Variants in IAH1 observed in about 807,000 individuals in gnomAD.
The protein encoded by IAH1 is isoamyl acetate hydrolyzing esterase 1 (putative).
A neutral mutation model predicts 26.7 loss-of-function variants in IAH1; 24 were observed. That is an observed-to-expected ratio of 0.90 (90% CI 0.65 to 1.26). IAH1 has a LOEUF of 1.26. Ranked by LOEUF, IAH1 falls within the 50% of genes most tolerant of loss-of-function variation. IAH1 has a pLI of 0.00. For synonymous variants in IAH1, 140 were observed against 118.5 expected (o/e 1.18, Z -1.18); for missense variants, 300 against 299.9 (o/e 1.00, Z 0.00).
the IAH1 span, among the ~76,000 whole-genome samples, chr2:9,511,733 G>A: frequency 1.2e-4 from 18 of 152,260 alleles, no homozygotes; most frequent in East Asian, 7.7e-4. Flanking sequence ...CACTTTGGGA[G>A]GCCAAGGCAG....
At chr2:9,510,663 CAAAA>C in the IAH1 span, among the ~76,000 whole-genome samples, 3 of 84,798 alleles carry the variant, frequency 3.5e-5, no homozygotes, top group Admixed American at 1.4e-4. Flanking sequence ...GACTTCGTCT[CAAAA>C]AAAAAAAAAA....
the IAH1 span, among the ~76,000 whole-genome samples, chr2:9,511,841 G>C: frequency 6.6e-6 from 1 of 151,462 alleles, no homozygotes; most frequent in Non-Finnish European, 1.5e-5. Flanking sequence ...CATTGTGGTG[G>C]GCGCCTGTAA....
chr2:9,489,719 T>C lies in IAH1; in HGVS notation c.*1390T>C, dbSNP rs988384031. The stretch of plus-strand genomic sequence containing the variant: ...TAGATTTATCTCCTTTGTTTTTAGT[T>C]GAAGGCAAAAAAAAAAAAAAAAAAA... On this transcript the variant is annotated 3_prime_UTR_variant, in exon 6 of 6. Coordinates refer to ENST00000497473, the MANE Select transcript of IAH1 (RefSeq NM_001039613.3). 8.2e-6 allele frequency: 1 copy of C among 121,962 alleles called. No individual in the cohort carries two copies. Among genetic ancestry groups the C allele is most frequent in the African/African-American group, 3.5e-5 (1 of 28,692 alleles). 7.6% of individuals were successfully genotyped at this position (121,962 alleles called of 1,614,324 possible). A position where few individuals can be genotyped will look rare whatever the true frequency, so the allele number is the denominator to read the frequency against.
chr2:9,499,410 G>T (rs1199201802), downstream of IAH1, among the ~76,000 whole-genome samples: 4 of 150,072 alleles, frequency 2.7e-5, no homozygotes, highest in Non-Finnish European at 5.9e-5. Flanking sequence ...TGTTTTTTTG[G>T]TTTTTTTTTG....
rs1180822722 is a variant in IAH1 at position 9,474,584 on chromosome 2, C to T, written c.18C>T (p.Ala6=). 8 of 1,528,414 alleles carry T rather than the reference C, an allele frequency of 5.2e-6. No homozygotes were observed. The highest frequency in any genetic ancestry group is 1.4e-5 in the African/African-American group (1 of 69,368). 94.7% of individuals were successfully genotyped at this position (1,528,414 alleles called of 1,614,324 possible). Residue 6 remains alanine (A), a synonymous_variant, in exon 1 of 6, where the codon GCC becomes GCT. Transcript: ENST00000497473. This position sits in a 1 kb window ranked among gnomAD's most constrained non-coding sequence, Gnocchi z 4.3. MALCE[A]AGCGSALLWP... is the part of the protein sequence containing the mutation. ...GCTGCTCCATGGCGCTGTGCGAGGC[C>T]GCGGGCTGCGGGAGTGCCCTGCTCT... is the stretch of plus-strand genomic sequence containing the variant.
At chr2:9,483,302 TG>T (rs537467257) in intron 4 of IAH1, among the ~76,000 whole-genome samples, 63 of 152,264 alleles carry the variant, frequency 4.1e-4, no homozygotes, top group African/African-American at 1.5e-3. Context: ...TGTAGGGCAG[TG>T]GATTACTCAT....
the IAH1 span, among the ~76,000 whole-genome samples, chr2:9,508,833 G>T: frequency 6.6e-6 from 1 of 152,110 alleles, no homozygotes; most frequent in East Asian, 1.9e-4. Context: ...TCAACAGTTT[G>T]ACAGGTTGGA....
intron 5 of IAH1, among the ~76,000 whole-genome samples, chr2:9,487,829 TGTGTGCGCGC>T (rs778668122): frequency 0.11 from 8,266 of 78,386 alleles, 261 homozygotes; most frequent in Non-Finnish European, 0.15. Flanking sequence ...TGTGTGTGTG[TGTGTGCGCGC>T]GCGCGCGCGC....
chr2:9,506,241 T>G, the IAH1 span, among the ~76,000 whole-genome samples: 1 of 151,226 alleles, frequency 6.6e-6, no homozygotes, highest in Non-Finnish European at 1.5e-5. Flanking sequence ...TATGAGACCC[T>G]CCAAAGGTGC....
the IAH1 span, chr2:9,505,553 T>C: frequency 5.6e-5 from 34 of 606,826 alleles, no homozygotes; most frequent in East Asian, 7.6e-4. Flanking sequence ...CCTCCCTCCA[T>C]AGAATGCTAA....
At chr2:9,502,301 C>G in the IAH1 span, 4 of 1,568,920 alleles carry the variant, frequency 2.5e-6, no homozygotes, top group Non-Finnish European at 3.5e-6. Context: ...CAGACAGGAA[C>G]AGAGCAATTC....
chr2:9,475,225 C>T (rs768543328), intron 1 of IAH1: 8 of 1,286,522 alleles, frequency 6.2e-6, no homozygotes, highest in African/African-American at 6.1e-5. Context: ...CAGGTTCTTA[C>T]TTCGGGGAGG....
chr2:9,487,601 C>T (rs1661597633), intron 5 of IAH1: 1 of 152,244 alleles, frequency 6.6e-6, no homozygotes, highest in Admixed American at 6.5e-5. Flanking sequence ...CACTATAGCA[C>T]TAGTCAGGGT....
chr2:9,494,789 G>A, exon 6 of IAH1: 1 of 1,613,132 alleles, frequency 6.2e-7, no homozygotes, highest in Non-Finnish European at 8.5e-7. Context: ...AACACGCATT[G>A]ACAGCTGGAT....
At chr2:9,490,158 A>G, downstream of IAH1, 1 of 1,572,636 alleles carries the variant, frequency 6.4e-7, no homozygotes, top group Non-Finnish European at 8.7e-7. Context: ...CACTTAAGTC[A>G]GAAGAGCTGA....
downstream of IAH1, chr2:9,497,220 T>G (rs1337952599): frequency 6.2e-7 from 1 of 1,614,234 alleles, no homozygotes; most frequent in Admixed American, 1.7e-5. Flanking sequence ...CTTCAGCATT[T>G]CCTGGAGGCG....
intron 3 of IAH1, 80 bp downstream of exon 3, chr2:9,478,450 T>C: frequency 1.1e-5 from 15 of 1,338,110 alleles, no homozygotes; most frequent in South Asian, 1.5e-5. Flanking sequence ...ATATACTTTT[T>C]TCAACTGTTT....
chr2:9,497,612 C>T (rs1158411555), downstream of IAH1, among the ~76,000 whole-genome samples: 2 of 152,240 alleles, frequency 1.3e-5, no homozygotes, highest in Non-Finnish European at 2.9e-5. Flanking sequence ...CTATCTGGCC[C>T]TGACTTCATC....
At chr2:9,502,141 C>T in the IAH1 span, 1 of 1,569,322 alleles carries the variant, frequency 6.4e-7, no homozygotes, top group Non-Finnish European at 8.8e-7. Context: ...ACTTGACCCA[C>T]AGCATTCCAA....
Sources: allele counts gnomAD v4.1 joint callset (sites outside exome capture counted in the v4.1 genomes callset), GRCh38; gene constraint gnomAD v4.1.1; non-coding constraint Gnocchi (gnomAD v3.1); transcripts MANE v1.5; gene names NCBI Gene and HGNC (gene_info 2026-07-23, HGNC 2026-07-21).